LYPLAL1: variants seen among roughly 807,000 people sequenced by gnomAD.
The protein encoded by LYPLAL1 is lysophospholipase-like protein 1.
Under a neutral mutation model 19.7 loss-of-function variants are expected in LYPLAL1, and 23 were observed. That is an observed-to-expected ratio of 1.17 (90% CI 0.84 to 1.65). The LOEUF (loss-of-function observed/expected upper bound fraction) is 1.65, where lower values mean the gene tolerates loss of function less well. Ranked by LOEUF, LYPLAL1 falls within the 40% of genes most tolerant of loss-of-function variation. The pLI is 0.00. For synonymous variants in LYPLAL1, 119 were observed against 96.3 expected (o/e 1.24, Z -1.38); for missense variants, 355 against 279.4 (o/e 1.27, Z -1.93).
At chr1:219,358,213 C>A in the LYPLAL1 span, among the ~76,000 whole-genome samples, 1 of 152,096 alleles carries the variant, frequency 6.6e-6, no homozygotes, top group African/African-American at 2.4e-5. Flanking sequence ...GCTACAAAAT[C>A]TTCTAACTAT....
At chr1:219,210,760 A>G in intron 4 of LYPLAL1, 113 bp downstream of exon 4, 1 of 934,284 alleles carries the variant, frequency 1.1e-6, no homozygotes, top group African/African-American at 1.7e-5. Context: ...TGCACAGTTG[A>G]TATGGATTGA....
the LYPLAL1 span, among the ~76,000 whole-genome samples, chr1:219,229,294 T>TGA: frequency 0.013 from 1,749 of 132,918 alleles, 45 homozygotes; most frequent in African/African-American, 0.048. Context: ...ACAAGCATTT[T>TGA]GAGAGAGAGA....
At chr1:219,190,007 A>C (rs1657016020) in intron 2 of LYPLAL1, among the ~76,000 whole-genome samples, 1 of 151,598 alleles carries the variant, frequency 6.6e-6, no homozygotes, top group African/African-American at 2.4e-5. Context: ...AATATGATTA[A>C]CGTTATATAC....
At chr1:219,181,718 A>G (rs1347646742) in intron 2 of LYPLAL1, among the ~76,000 whole-genome samples, 1 of 152,120 alleles carries the variant, frequency 6.6e-6, no homozygotes, top group Non-Finnish European at 1.5e-5. Context: ...CTATGAGGCA[A>G]TTCAGTGGAG....
At chr1:219,433,423 C>A in the LYPLAL1 span, among the ~76,000 whole-genome samples, 42 of 152,106 alleles carry the variant, frequency 2.8e-4, no homozygotes, top group Non-Finnish European at 4.9e-4. Context: ...TATTTTGTAT[C>A]CCAAGCAGGG....
At chr1:219,268,762 G>C in the LYPLAL1 span, among the ~76,000 whole-genome samples, 577 of 152,288 alleles carry the variant, frequency 3.8e-3, 5 homozygotes, top group African/African-American at 0.012. Context: ...ACAAAAGCAG[G>C]CTTCATTATT....
downstream of LYPLAL1, among the ~76,000 whole-genome samples, chr1:219,213,120 A>G (rs1250834732): frequency 1.3e-5 from 2 of 151,984 alleles, no homozygotes; most frequent in Non-Finnish European, 2.9e-5. Flanking sequence ...ACATTTTCTA[A>G]ATGAATGTGT....
At chr1:219,279,809 G>A in the LYPLAL1 span, among the ~76,000 whole-genome samples, 17 of 152,124 alleles carry the variant, frequency 1.1e-4, no homozygotes, top group African/African-American at 3.1e-4. Flanking sequence ...AGATTTACAC[G>A]TCCTTCAAAT....
At chr1:219,258,995 T>C in the LYPLAL1 span, among the ~76,000 whole-genome samples, 2 of 151,754 alleles carry the variant, frequency 1.3e-5, no homozygotes, top group Non-Finnish European at 2.9e-5. Flanking sequence ...CACAAATGGC[T>C]AAGAAACATA....
At chr1:219,191,693 A>G (rs1401916363) in intron 2 of LYPLAL1, among the ~76,000 whole-genome samples, 1 of 151,508 alleles carries the variant, frequency 6.6e-6, no homozygotes, top group African/African-American at 2.4e-5. Context: ...GATGGGTAAA[A>G]AATGAATAAG....
the LYPLAL1 span, among the ~76,000 whole-genome samples, chr1:219,393,106 AG>A: frequency 6.6e-6 from 1 of 152,180 alleles, no homozygotes; most frequent in Non-Finnish European, 1.5e-5. Context: ...TAAAGCTGTA[AG>A]GGTTGGTTAC....
chr1:219,319,523 G>A, the LYPLAL1 span, among the ~76,000 whole-genome samples: 2 of 152,168 alleles, frequency 1.3e-5, no homozygotes, highest in Admixed American at 1.3e-4. Flanking sequence ...AATTCTGGGG[G>A]ATTCTGCAGA....
Position 219,177,760 on chromosome 1 carries a change from A to G in LYPLAL1, c.92-1387A>G, listed in dbSNP as rs191536046. Among the ~76,000 whole-genome samples the G allele has an allele frequency of 2.6e-4, 40 of 152,258 alleles. No homozygotes were observed. In the East Asian group the frequency reaches 5.8e-3, roughly 22 times the overall value. ...GTAGTTTCCTAACTGATCTCTGTAC[A>G]TCTACTTTTGCTCTCTTTCAATTCT... On this transcript the variant is annotated intron_variant, in intron 1 of 4. Transcript: ENST00000366928.
At chr1:219,231,600 T>A in the LYPLAL1 span, among the ~76,000 whole-genome samples, 2 of 152,192 alleles carry the variant, frequency 1.3e-5, no homozygotes, top group Admixed American at 6.5e-5. Flanking sequence ...AGAAAATGTA[T>A]GTTATTAAAC....
downstream of LYPLAL1, among the ~76,000 whole-genome samples, chr1:219,216,721 C>T (rs980312749): frequency 7.2e-5 from 11 of 152,044 alleles, no homozygotes; most frequent in African/African-American, 2.7e-4. Flanking sequence ...GTGTGCAGTA[C>T]TCTACTCTGT....
the LYPLAL1 span, among the ~76,000 whole-genome samples, chr1:219,341,245 A>T: frequency 1.6e-4 from 24 of 152,264 alleles, no homozygotes; most frequent in African/African-American, 5.1e-4. Context: ...ATAAGCTCAA[A>T]TACTTCATGG....
At chr1:219,179,425 A>G (rs1010609057) in intron 2 of LYPLAL1, 179 bp downstream of exon 2, 59 of 554,524 alleles carry the variant, frequency 1.1e-4, no homozygotes, top group Non-Finnish European at 1.7e-4. Flanking sequence ...AAGTTTTGCC[A>G]GGTGAGTAAT....
chr1:219,308,563 G>C, the LYPLAL1 span, among the ~76,000 whole-genome samples: 2 of 152,172 alleles, frequency 1.3e-5, no homozygotes, highest in African/African-American at 4.8e-5. Context: ...CTAGGGACTT[G>C]GTGCCCTGTG....
the LYPLAL1 span, among the ~76,000 whole-genome samples, chr1:219,408,216 A>G: frequency 1.3e-5 from 2 of 152,236 alleles, no homozygotes; most frequent in African/African-American, 4.8e-5. Flanking sequence ...GGAAAGAATG[A>G]GATCTGCAGT....
Sources: gnomAD v4.1 joint callset for allele counts (sites outside exome capture counted in the v4.1 genomes callset) on GRCh38, gnomAD v4.1.1 for gene constraint, MANE v1.5 for transcripts, NCBI Gene and HGNC (gene_info 2026-07-23, HGNC 2026-07-21) for gene names.